GRIN2B: variants seen among roughly 807,000 people sequenced by gnomAD.
The protein encoded by GRIN2B is glutamate ionotropic receptor NMDA type subunit 2B.
A neutral mutation model predicts 114.5 loss-of-function variants in GRIN2B; 5 were observed. The ratio of observed to expected loss-of-function variants is 0.04; its 90% CI spans 0.02 to 0.09. The LOEUF (loss-of-function observed/expected upper bound fraction) is 0.09. Among genes scored for constraint, GRIN2B ranks in the 10% least tolerant of loss-of-function variants. The pLI is 1.00. For synonymous variants in GRIN2B, 787 were observed against 745.1 expected, an observed-to-expected ratio of 1.06 and a Z score of -0.92; for missense variants, 1,108 against 1,943.5, an observed-to-expected ratio of 0.57 and a Z score of 8.08.
At chr12:13,955,825 C>A (rs1867580018) in intron 2 of GRIN2B, among the ~76,000 whole-genome samples, 1 of 152,122 alleles carries the variant, frequency 6.6e-6, no homozygotes, top group South Asian at 2.1e-4. Flanking sequence ...CTGCTGTATG[C>A]AATGCACTTT....
intron 3 of GRIN2B, among the ~76,000 whole-genome samples, chr12:13,845,511 T>A (rs1289581189): frequency 6.6e-6 from 1 of 152,172 alleles, no homozygotes; most frequent in Non-Finnish European, 1.5e-5. Context: ...TGGTATTTTG[T>A]TGACTTTAAA....
intron 3 of GRIN2B, among the ~76,000 whole-genome samples, chr12:13,788,378 T>C (rs1864256294): frequency 6.6e-6 from 1 of 152,216 alleles, no homozygotes; most frequent in East Asian, 1.9e-4. Flanking sequence ...TCATTTCTAC[T>C]GATTATAACC....
At chr12:13,736,723 T>C (rs1477758641) in intron 4 of GRIN2B, among the ~76,000 whole-genome samples, 1 of 152,098 alleles carries the variant, frequency 6.6e-6, no homozygotes, top group Non-Finnish European at 1.5e-5. Context: ...GCCAGGTCAA[T>C]ATTAGAACAT....
At chr12:13,637,534 G>A (rs927916589) in intron 5 of GRIN2B, among the ~76,000 whole-genome samples, 5 of 152,122 alleles carry the variant, frequency 3.3e-5, no homozygotes, top group Non-Finnish European at 7.4e-5. Context: ...GCACCAACCA[G>A]TGAATGGAAA....
chr12:13,669,547 A>C (rs892698985), intron 5 of GRIN2B, among the ~76,000 whole-genome samples: 5 of 152,058 alleles, frequency 3.3e-5, no homozygotes, highest in Admixed American at 6.6e-5. Flanking sequence ...CCTTCTGTAG[A>C]GCCTGGAGAG....
chr12:13,975,812 G>T (rs1863009347), intron 2 of GRIN2B, among the ~76,000 whole-genome samples: 1 of 152,218 alleles, frequency 6.6e-6, no homozygotes, highest in African/African-American at 2.4e-5. Context: ...AAACTAAGAA[G>T]CATGAGCACA....
Position 13,892,148 on chromosome 12 carries a change from T to C in GRIN2B, c.-18-25922A>G, listed in dbSNP as rs560245601. ...CTAGTGACTCATGAATAAATAACTG[T>C]TGAAGTGAAATGAATTGAAATTTCA... On this transcript the variant is annotated intron_variant, in intron 2 of 13. Coordinates refer to ENST00000609686, the MANE Select transcript of GRIN2B (RefSeq NM_000834.5). 3.3e-4 allele frequency among the ~76,000 whole-genome samples: 50 copies of C among 152,278 alleles called. 1 individual carries two copies. Among genetic ancestry groups the C allele is most frequent in the Middle Eastern group, 3.4e-3 (1 of 294 alleles).
At chr12:13,879,134 TG>T (rs1748254077) in intron 2 of GRIN2B, among the ~76,000 whole-genome samples, 1 of 152,204 alleles carries the variant, frequency 6.6e-6, no homozygotes, top group African/African-American at 2.4e-5. Flanking sequence ...GACAGAGCTA[TG>T]TCCTAAGAAA....
chr12:13,893,592 A>G (rs973278829), intron 2 of GRIN2B, among the ~76,000 whole-genome samples: 1 of 152,192 alleles, frequency 6.6e-6, no homozygotes, highest in African/African-American at 2.4e-5. Context: ...CCCCACAGTG[A>G]CCTGGAAATC....
At position 13,753,715 on chromosome 12, in the gene GRIN2B, T is replaced by C. The variant is rs1211007071; in HGVS notation, c.612A>G (p.Leu204=). 3 of 1,614,006 alleles carry C rather than the reference T, an allele frequency of 1.9e-6. No homozygotes were observed. The highest frequency in any genetic ancestry group is 1.3e-5 in the African/African-American group (1 of 74,918). The change falls in exon 4 of 14, where the codon CTA becomes CTG. Residue 204 remains leucine, a synonymous_variant. Coordinates refer to ENST00000609686, the MANE Select transcript of GRIN2B (RefSeq NM_000834.5). This position sits in a 1 kb window ranked among gnomAD's most constrained non-coding sequence, Gnocchi z 6.2. ...CTCCATCGTCCAGGGACATGTCCAGTAGGAGGACCTCCTCTAGCTCCCAGC... is the reference window on the plus strand; with the variant it reads ...CTCCATCGTCCAGGGACATGTCCAGCAGGAGGACCTCCTCTAGCTCCCAGC... ...FVGWELEEVL[L]LDMSLDDGDS...
At chr12:13,598,631 C>T (rs1174856421) in intron 10 of GRIN2B, among the ~76,000 whole-genome samples, 3 of 152,204 alleles carry the variant, frequency 2.0e-5, no homozygotes, top group African/African-American at 4.8e-5. Context: ...CCACCCCCTC[C>T]ACCACCCCAA....
At chr12:13,715,020 C>CA (rs1352367054) in intron 4 of GRIN2B, among the ~76,000 whole-genome samples, 2 of 151,836 alleles carry the variant, frequency 1.3e-5, no homozygotes, top group African/African-American at 4.8e-5. Flanking sequence ...AAGATTGCTT[C>CA]TCGTAGTTCT....
chr12:13,647,180 G>A (rs977425826), intron 5 of GRIN2B, among the ~76,000 whole-genome samples: 1 of 152,100 alleles, frequency 6.6e-6, no homozygotes, highest in Non-Finnish European at 1.5e-5. Context: ...CCCAGAAACT[G>A]TGATATAAGA....
At chr12:13,706,629 C>T (rs1323913888) in intron 4 of GRIN2B, among the ~76,000 whole-genome samples, 1 of 152,028 alleles carries the variant, frequency 6.6e-6, no homozygotes, top group Non-Finnish European at 1.5e-5. Context: ...TCCCAACCTC[C>T]CCATGTCTGA....
At chr12:13,875,194 T>C (rs1865975923) in intron 2 of GRIN2B, among the ~76,000 whole-genome samples, 1 of 152,026 alleles carries the variant, frequency 6.6e-6, no homozygotes, top group Admixed American at 6.6e-5. Flanking sequence ...ATCCTGCATA[T>C]GTACCCCAGA....
chr12:13,779,307 G>T (rs1864063421), intron 3 of GRIN2B, among the ~76,000 whole-genome samples: 2 of 152,152 alleles, frequency 1.3e-5, no homozygotes, highest in African/African-American at 2.4e-5. Flanking sequence ...GCCTCCCAAA[G>T]TGCTGGGATT....
At chr12:13,807,735 T>TTTTTTG (rs1864634037) in intron 3 of GRIN2B, among the ~76,000 whole-genome samples, 1 of 63,146 alleles carries the variant, frequency 1.6e-5, no homozygotes, top group Non-Finnish European at 3.2e-5. Flanking sequence ...TTTTTTTTTT[T>TTTTTTG]GTAGTCAGGC....
intron 5 of GRIN2B, among the ~76,000 whole-genome samples, chr12:13,632,789 A>G (rs1198531324): frequency 1.3e-5 from 2 of 152,156 alleles, no homozygotes; most frequent in African/African-American, 4.8e-5. Context: ...AGTGACCTAG[A>G]AAACGTCTGT....
At chr12:13,570,597 A>G (rs1250232091) in intron 11 of GRIN2B, among the ~76,000 whole-genome samples, 1 of 152,128 alleles carries the variant, frequency 6.6e-6, no homozygotes, top group African/African-American at 2.4e-5. Flanking sequence ...AGCAAAATAC[A>G]GAAGAATTCA....
Sources: allele counts gnomAD v4.1 joint callset (sites outside exome capture counted in the v4.1 genomes callset), GRCh38; gene constraint gnomAD v4.1.1; non-coding constraint Gnocchi (gnomAD v3.1); transcripts MANE v1.5; gene names NCBI Gene and HGNC (gene_info 2026-07-23, HGNC 2026-07-21).